Variants in FIP1L1 observed in about 807,000 individuals in gnomAD.
FIP1L1 encodes the protein factor interacting with PAPOLA and CPSF1.
In FIP1L1, 21 loss-of-function variants were observed where a neutral mutation model predicts 84.6. The observed-to-expected ratio is 0.25, with a 90% confidence interval of 0.18 to 0.36. The LOEUF (loss-of-function observed/expected upper bound fraction) is 0.36. Ranked by LOEUF, FIP1L1 falls within the 10% of genes least tolerant of loss-of-function variation. The probability of loss-of-function intolerance (pLI) is 1.00; values close to 1 mark genes in which losing one functional copy is unlikely to be tolerated. For missense variants in FIP1L1, 526 were observed against 751.1 expected, an observed-to-expected ratio of 0.70 and a Z score of 3.50; for synonymous variants, 263 against 242.3, an observed-to-expected ratio of 1.09 and a Z score of -0.80.
In FIP1L1 at chr4:53,432,086, A is replaced by G. The variant is rs185143432; in HGVS notation, c.1174+3903A>G. 6.7e-4 allele frequency among the ~76,000 whole-genome samples: 102 copies of G among 152,276 alleles called. 6 individuals carry two copies. In the East Asian group the frequency reaches 0.018, roughly 27 times the overall value. On this transcript the variant is annotated intron_variant, in intron 13 of 17. Coordinates refer to ENST00000337488, the MANE Select transcript of FIP1L1 (RefSeq NM_030917.4). ...ATTTATCGTGGTTCCCTGCAGCCAT[A>G]CTAACAGTAGCTTGAAAACAAATAC...
At chr4:53,399,484 T>A (rs952180147) in intron 9 of FIP1L1, among the ~76,000 whole-genome samples, 1 of 152,228 alleles carries the variant, frequency 6.6e-6, no homozygotes, top group Non-Finnish European at 1.5e-5. Flanking sequence ...ATTAACAGTT[T>A]ATTCGGCTTC....
chr4:53,389,122 C>T (rs1282664288), intron 5 of FIP1L1, among the ~76,000 whole-genome samples: 5 of 152,162 alleles, frequency 3.3e-5, no homozygotes, highest in South Asian at 2.1e-4. Flanking sequence ...CACCCACCAC[C>T]GGCAAACACT....
chr4:53,399,175 C>G (rs1320729314), intron 9 of FIP1L1, among the ~76,000 whole-genome samples: 2 of 152,134 alleles, frequency 1.3e-5, no homozygotes, highest in Non-Finnish European at 2.9e-5. Flanking sequence ...TAACTTCAAG[C>G]TTTTAAGCCT....
At chr4:53,420,565 T>C (rs369314586) in intron 11 of FIP1L1, among the ~76,000 whole-genome samples, 2 of 152,176 alleles carry the variant, frequency 1.3e-5, no homozygotes, top group Non-Finnish European at 2.9e-5. Flanking sequence ...TGTTTTGAAT[T>C]CTGTGATTTT....
chr4:53,397,660 G>A (rs549267548), intron 9 of FIP1L1, among the ~76,000 whole-genome samples: 6 of 152,352 alleles, frequency 3.9e-5, no homozygotes, highest in African/African-American at 1.4e-4. Context: ...GAATATCTGT[G>A]TGACAAATGA....
rs1253586146 is a variant in FIP1L1 at position 53,453,052 on chromosome 4, G to A, written c.1418G>A (p.Arg473His). Residue 473 changes from arginine (R) to histidine (H), a missense_variant, in exon 16 of 18, where the codon CGT becomes CAT. Around this residue, in one of 6 missense-constraint regions of FIP1L1, gnomAD observed 89 missense variants for 169.0 expected, o/e 0.53. Coordinates refer to ENST00000337488, the MANE Select transcript of FIP1L1 (RefSeq NM_030917.4). ...AGAGACAGAGACAGAGAGCGAGACC[G>A]TGATCGGGACAGAGAAAGAGAACGC... ...RERDRDRERD[R>H]DRDRERERTR... 3 of 1,612,328 alleles carry A rather than the reference G, an allele frequency of 1.9e-6. No homozygotes were observed. Among genetic ancestry groups the A allele is most frequent in the Non-Finnish European group, 2.5e-6 (3 of 1,178,614 alleles).
intron 6 of FIP1L1, among the ~76,000 whole-genome samples, chr4:53,390,264 G>C (rs1480584723): frequency 6.6e-6 from 1 of 152,102 alleles, no homozygotes; most frequent in South Asian, 2.1e-4. Flanking sequence ...TCTTTTTAAA[G>C]AGTAATTTTT....
At position 53,460,785 on chromosome 4, in the gene FIP1L1, T is replaced by A. The variant is rs368922333; in HGVS notation, c.*1336T>A. The A allele has an allele frequency of 5.6e-4, 590 of 1,053,978 alleles. No individual in the cohort carries two copies. The highest frequency in any genetic ancestry group is 8.0e-4 in the Middle Eastern group (3 of 3,768). 65.3% of individuals were successfully genotyped at this position (1,053,978 alleles called of 1,614,324 possible). ...ACTGGCTTTCATTAGATGATCATAC[T>A]TTTCCTGACATTTTTACAATGTATT... On this transcript the variant is annotated 3_prime_UTR_variant, in exon 18 of 18. Transcript: ENST00000337488.
At position 53,460,720 on chromosome 4, in the gene FIP1L1, G is replaced by A. The variant is rs1162202415; in HGVS notation, c.*1271G>A. ...AATCCTCCACACTGAAAAAAAACTA[G>A]TAGTTTTAATTTTTTTGGAATCATA... On this transcript the variant is annotated 3_prime_UTR_variant, in exon 18 of 18. Coordinates refer to ENST00000337488, the MANE Select transcript of FIP1L1 (RefSeq NM_030917.4). The A allele has an allele frequency of 1.8e-6, 1 of 555,688 alleles. No individual in the cohort carries two copies. 34.4% of individuals were successfully genotyped at this position (555,688 alleles called of 1,614,324 possible).
intron 10 of FIP1L1, among the ~76,000 whole-genome samples, chr4:53,409,423 C>T (rs535227815): frequency 1.3e-5 from 2 of 152,176 alleles, no homozygotes; most frequent in East Asian, 3.9e-4. Context: ...GTGTCTCCCA[C>T]TTAGACTGCT....
At chr4:53,406,158 C>T (rs1753313051) in intron 10 of FIP1L1, among the ~76,000 whole-genome samples, 1 of 152,096 alleles carries the variant, frequency 6.6e-6, no homozygotes, top group East Asian at 1.9e-4. Context: ...TTATAGATAG[C>T]TCTTATTATT....
intron 11 of FIP1L1, among the ~76,000 whole-genome samples, chr4:53,423,955 C>G (rs568467855): frequency 2.0e-5 from 3 of 152,208 alleles, no homozygotes; most frequent in Admixed American, 1.3e-4. Context: ...TGGTAAAAGA[C>G]AGGCTATAGA....
chr4:53,450,219 C>T (rs1775827213), intron 15 of FIP1L1, among the ~76,000 whole-genome samples: 1 of 152,084 alleles, frequency 6.6e-6, no homozygotes, highest in Non-Finnish European at 1.5e-5. Flanking sequence ...TATCCCTAAA[C>T]TTTCGATAAA....
chr4:53,396,166 G>T (rs1182471380), intron 9 of FIP1L1, among the ~76,000 whole-genome samples: 1 of 151,998 alleles, frequency 6.6e-6, no homozygotes, highest in Non-Finnish European at 1.5e-5. Context: ...TGATCCACCC[G>T]CCTCGGCCTC....
At chr4:53,443,897 GTTTTA>G (rs1219028378) in intron 14 of FIP1L1, 146 bp from the exon 15 acceptor site, 4 of 502,122 alleles carry the variant, frequency 8.0e-6, no homozygotes, top group South Asian at 7.2e-5. Flanking sequence ...AAAACCCCAT[GTTTTA>G]TTAATAAAAT....
At chr4:53,390,481 T>TG in intron 6 of FIP1L1, 40 bp from the exon 7 acceptor site, 1 of 1,331,694 alleles carries the variant, frequency 7.5e-7, no homozygotes, top group Non-Finnish European at 1.1e-6. Flanking sequence ...CCTGGCTTCT[T>TG]GCAAGTATAG....
intron 13 of FIP1L1, among the ~76,000 whole-genome samples, chr4:53,437,262 G>C (rs1285830832): frequency 1.4e-5 from 2 of 145,652 alleles, no homozygotes; most frequent in Non-Finnish European, 3.0e-5. Flanking sequence ...TGGGGAGGCA[G>C]AGGTTGCAGT....
intron 11 of FIP1L1, among the ~76,000 whole-genome samples, chr4:53,417,156 G>T (rs2149797424): frequency 6.6e-6 from 1 of 152,044 alleles, no homozygotes; most frequent in South Asian, 2.1e-4. Flanking sequence ...CGAAAATGTT[G>T]TTTCCCATAC....
rs747072825 is a variant in FIP1L1 at position 53,453,101 on chromosome 4, T to G, written c.1467T>G (p.Arg489=). 1 of 1,613,942 alleles carries G rather than the reference T, an allele frequency of 6.2e-7. No homozygotes were observed. Among genetic ancestry groups the G allele is most frequent in the South Asian group, 1.1e-5 (1 of 91,078 alleles). The change falls in exon 16 of 18, where the codon CGT becomes CGG. Residue 489 remains arginine, a synonymous_variant. Coordinates refer to ENST00000337488, the MANE Select transcript of FIP1L1 (RefSeq NM_030917.4). ...RERTRERERE[R]DHSPTPSVFN... ...GCACCAGAGAGAGAGAGAGGGAGCG[T>G]GATCACAGTCCTACACCAAGTGTTT... is the stretch of plus-strand genomic sequence containing the variant.
Sources: gnomAD v4.1 joint callset for allele counts (sites outside exome capture counted in the v4.1 genomes callset) on GRCh38, gnomAD v4.1.1 for gene constraint, gnomAD v4.1.1 regional missense constraint, MANE v1.5 for transcripts, NCBI Gene and HGNC (gene_info 2026-07-23, HGNC 2026-07-21) for gene names.